Variants in LIMCH1 observed in about 807,000 individuals in gnomAD.
LIMCH1 encodes LIM and calponin homology domains 1, also known as LIM and calponin homology domains-containing protein 1.
A neutral mutation model predicts 176.5 loss-of-function variants in LIMCH1; 113 were observed. That is an observed-to-expected ratio of 0.64 (90% CI 0.55 to 0.75). LIMCH1 has a LOEUF of 0.75. Among genes scored for constraint, LIMCH1 ranks in the 30% least tolerant of loss-of-function variants. The probability of loss-of-function intolerance (pLI) is 0.00; values close to 1 mark genes in which losing one functional copy is unlikely to be tolerated. For missense variants in LIMCH1, 1,674 were observed against 1,814.9 expected (o/e 0.92, Z 1.41); for synonymous variants, 619 against 645.9 (o/e 0.96, Z 0.63).
intron 19 of LIMCH1, among the ~76,000 whole-genome samples, chr4:41,661,738 A>G (rs2094628776): frequency 6.6e-6 from 1 of 152,104 alleles, no homozygotes; most frequent in Non-Finnish European, 1.5e-5. Flanking sequence ...ACCCAGTTTT[A>G]TTTTGTTTTT....
intron 1 of LIMCH1, among the ~76,000 whole-genome samples, chr4:41,398,042 T>C (rs1250720712): frequency 6.6e-6 from 1 of 152,030 alleles, no homozygotes; most frequent in Non-Finnish European, 1.5e-5. Context: ...AATTATATGA[T>C]ACAAACCCAT....
intron 21 of LIMCH1, among the ~76,000 whole-genome samples, chr4:41,668,906 C>T (rs1448142114): frequency 6.6e-6 from 1 of 152,104 alleles, no homozygotes; most frequent in Non-Finnish European, 1.5e-5. Context: ...ACCATCAGAT[C>T]TCGTGAGACT....
chr4:41,489,549 T>G (rs998084529), intron 1 of LIMCH1, among the ~76,000 whole-genome samples: 4 of 152,200 alleles, frequency 2.6e-5, no homozygotes, highest in Non-Finnish European at 5.9e-5. Flanking sequence ...CAGTGGGTTA[T>G]TAAGAATTAT....
At chr4:41,584,873 C>A (rs972385214) in intron 1 of LIMCH1, among the ~76,000 whole-genome samples, 3 of 152,300 alleles carry the variant, frequency 2.0e-5, no homozygotes, top group African/African-American at 7.2e-5. Flanking sequence ...CTTTATTTCT[C>A]ACAGTTCTGG....
chr4:41,448,734 C>T (rs1582359927), intron 1 of LIMCH1, among the ~76,000 whole-genome samples: 1 of 152,100 alleles, frequency 6.6e-6, no homozygotes, highest in South Asian at 2.1e-4. Context: ...CATTTCCCAA[C>T]CTTTCCTTTC....
At chr4:41,667,924 C>CA (rs2094885698) in intron 21 of LIMCH1, among the ~76,000 whole-genome samples, 2 of 150,136 alleles carry the variant, frequency 1.3e-5, no homozygotes, top group Admixed American at 1.3e-4. Flanking sequence ...TTGAGGCCAG[C>CA]AGTTGAGACC....
At chr4:41,565,794 G>A (rs548027610) in intron 1 of LIMCH1, among the ~76,000 whole-genome samples, 1 of 152,208 alleles carries the variant, frequency 6.6e-6, no homozygotes, top group East Asian at 1.9e-4. Flanking sequence ...CTCCACCTGT[G>A]CCACCCTGAG....
At chr4:41,502,576 T>G (rs2073495584) in intron 2 of LIMCH1, among the ~76,000 whole-genome samples, 1 of 152,208 alleles carries the variant, frequency 6.6e-6, no homozygotes, top group African/African-American at 2.4e-5. Flanking sequence ...CATCTATTGT[T>G]TGACTTTTTA....
intron 1 of LIMCH1, among the ~76,000 whole-genome samples, chr4:41,378,687 TCA>T (rs2055160195): frequency 6.6e-6 from 1 of 152,244 alleles, no homozygotes; most frequent in Admixed American, 6.5e-5. Context: ...GATGGCAACA[TCA>T]GTGGGAATGA....
chr4:41,694,841 C>G (rs1170042611), intron 31 of LIMCH1, among the ~76,000 whole-genome samples: 1 of 152,020 alleles, frequency 6.6e-6, no homozygotes, highest in East Asian at 1.9e-4. Flanking sequence ...CAGAAAAGTG[C>G]ACTCTCCCTG....
Position 41,646,846 on chromosome 4 carries a change from C to G in LIMCH1, c.2773C>G (p.Pro925Ala). 1 of 1,614,138 alleles carries G rather than the reference C, an allele frequency of 6.2e-7. No homozygotes were observed. The highest frequency in any genetic ancestry group is 1.1e-5 in the South Asian group (1 of 91,074). The change falls in exon 17 of 32, where the codon CCT becomes GCT. Residue 925 changes from proline to alanine, a missense_variant. Pro to Ala is a conservative substitution (Grantham distance 27). Around this residue, in one of 3 missense-constraint regions of LIMCH1, gnomAD observed 1,015 missense variants for 1,102.5 expected, o/e 0.92. Transcript: ENST00000503057. ...AGCAGTGCCTATGCTGACACCCAAG[C>G]CTTACTCCCAGCCCAAAAATTCTCA... ...PKAVPMLTPK[P>A]YSQPKNSQDV...
At chr4:41,657,175 C>T (rs975805851) in intron 18 of LIMCH1, among the ~76,000 whole-genome samples, 3 of 152,218 alleles carry the variant, frequency 2.0e-5, no homozygotes, top group African/African-American at 7.2e-5. Flanking sequence ...CTCATTCATT[C>T]ACGTCCAGGG....
chr4:41,671,884 C>CAA (rs34994833), intron 22 of LIMCH1, among the ~76,000 whole-genome samples: 2,236 of 48,526 alleles, frequency 0.046, 83 homozygotes, highest in African/African-American at 0.08. Flanking sequence ...GACTTCGTCT[C>CAA]AAAAAAAAAA....
chr4:41,644,388 G>A, intron 14 of LIMCH1, 112 bp from the exon 15 acceptor site: 1 of 1,318,974 alleles, frequency 7.6e-7, no homozygotes, highest in Non-Finnish European at 1.0e-6. Context: ...GCCCGGGAAG[G>A]GGGCAGTTTT....
At chr4:41,361,941 C>T (rs912110573) in intron 1 of LIMCH1, among the ~76,000 whole-genome samples, 39 of 152,260 alleles carry the variant, frequency 2.6e-4, no homozygotes, top group African/African-American at 9.1e-4. Context: ...CCCTCTTTGC[C>T]TGGTAGTTCA....
At chr4:41,611,591 C>T (rs2091423529) in intron 4 of LIMCH1, among the ~76,000 whole-genome samples, 1 of 152,164 alleles carries the variant, frequency 6.6e-6, no homozygotes, top group Non-Finnish European at 1.5e-5. Context: ...ACAGCTTTGC[C>T]ACTAACTGTG....
intron 1 of LIMCH1, among the ~76,000 whole-genome samples, chr4:41,568,177 G>T (rs746565941): frequency 6.6e-6 from 1 of 152,080 alleles, no homozygotes; most frequent in South Asian, 2.1e-4. Flanking sequence ...CAGCTATGAC[G>T]GTTACTTAAA....
chr4:41,383,191 A>C (rs1247382946), intron 1 of LIMCH1, among the ~76,000 whole-genome samples: 1 of 152,214 alleles, frequency 6.6e-6, no homozygotes, highest in Non-Finnish European at 1.5e-5. Context: ...TTCACTTAGT[A>C]AGCACCCTTT....
At chr4:41,632,666 C>A in intron 10 of LIMCH1, 83 bp from the exon 11 acceptor site, 1 of 1,068,846 alleles carries the variant, frequency 9.4e-7, no homozygotes, top group Non-Finnish European at 1.4e-6. Context: ...CTTAATCTTT[C>A]AGTCCCAAGG....
Sources: gnomAD v4.1 joint callset for allele counts (sites outside exome capture counted in the v4.1 genomes callset) on GRCh38, gnomAD v4.1.1 for gene constraint, gnomAD v4.1.1 regional missense constraint, MANE v1.5 for transcripts, NCBI Gene and HGNC (gene_info 2026-07-23, HGNC 2026-07-21) for gene names.